ITGAM: variants seen among roughly 807,000 people sequenced by gnomAD.
The protein encoded by ITGAM is integrin subunit alpha M, also known as integrin alpha-M.
Under a neutral mutation model 137.5 loss-of-function variants are expected in ITGAM, and 79 were observed. The observed-to-expected ratio is 0.57, with a 90% CI of 0.48 to 0.69. ITGAM has a LOEUF of 0.69. ITGAM is among the 30% of genes least tolerant of loss of function. ITGAM has a pLI of 0.00. For synonymous variants in ITGAM, 583 were observed against 592.3 expected, an observed-to-expected ratio of 0.98 and a Z score of 0.23; for missense variants, 1,343 against 1,483.5, an observed-to-expected ratio of 0.91 and a Z score of 1.56.
intron 22 of ITGAM, among the ~76,000 whole-genome samples, chr16:31,327,455 A>G (rs2032943850): frequency 6.6e-6 from 1 of 151,178 alleles, no homozygotes; most frequent in Non-Finnish European, 1.5e-5. Flanking sequence ...TTAGCCAGGC[A>G]TGGTGGTGCA....
chr16:31,329,121 T>C, intron 23 of ITGAM, 107 bp from the exon 24 acceptor site: 1 of 447,886 alleles, frequency 2.2e-6, no homozygotes. Flanking sequence ...CAGGACTTCA[T>C]ACCCATTACC....
In ITGAM at chr16:31,289,318, C is replaced by T. The variant is rs893882694; in HGVS notation, c.1357-8196C>T. Among the ~76,000 whole-genome samples, 503 of 152,220 alleles carry T rather than the reference C, an allele frequency of 3.3e-3. 1 individual carries two copies. Among genetic ancestry groups the T allele is most frequent in the African/African-American group, 0.011 (468 of 41,532 alleles). On this transcript the variant is annotated intron_variant, in intron 12 of 29. Transcript: ENST00000544665. ...GGCACATGCACACGAATGTTTATTG[C>T]GGCTCTATTCACAATAGCAAAGACT...
At position 31,297,634 on chromosome 16, in the gene ITGAM, G is replaced by T. The variant is rs757551647; in HGVS notation, c.1477G>T (p.Val493Leu). The T allele has an allele frequency of 6.2e-7, 1 of 1,613,292 alleles. No homozygotes were observed. The highest frequency in any genetic ancestry group is 8.5e-7 in the Non-Finnish European group (1 of 1,179,896). Residue 493 changes from valine to leucine, a missense_variant, in exon 13 of 30, where the codon GTG becomes TTG. Transcript: ENST00000544665. ...GCAGACCCGAGGGGGCCAGGTGTCC[G>T]TGTGCCCCTTGCCCAGGGGGGTGAG... The part of the protein sequence containing the change: ...YEQTRGGQVS[V>L]CPLPRGRARW...
At position 31,270,721 on chromosome 16, in the gene ITGAM, A is replaced by G. The variant is rs1275540160; in HGVS notation, c.428-233A>G. 3.6e-3 allele frequency among the ~76,000 whole-genome samples: 379 copies of G among 106,660 alleles called. 19 individuals carry two copies. Among genetic ancestry groups the G allele is most frequent in the African/African-American group, 0.011 (274 of 24,742 alleles). 70.0% of individuals were successfully genotyped at this position (106,660 alleles called of 152,430 possible). On this transcript the variant is annotated intron_variant, in intron 5 of 29. Transcript: ENST00000544665. Reference sequence around the variant, plus strand: ...TGTGTATATATATATATATATATATATATATATATATATATATATATATGT... The same window carrying G: ...TGTGTATATATATATATATATATATGTATATATATATATATATATATATGT...
intron 14 of ITGAM, among the ~76,000 whole-genome samples, chr16:31,314,366 T>C (rs1001657601): frequency 6.6e-6 from 1 of 152,230 alleles, no homozygotes; most frequent in Non-Finnish European, 1.5e-5. Flanking sequence ...GTTGTAAATT[T>C]TACATTTAAG....
intron 2 of ITGAM, among the ~76,000 whole-genome samples, chr16:31,262,460 A>G (rs963557699): frequency 2.0e-5 from 3 of 151,018 alleles, no homozygotes; most frequent in African/African-American, 7.3e-5. Context: ...TGGAGTGCAC[A>G]GGTGAAATCA....
At chr16:31,304,869 G>A (rs1192364993) in intron 14 of ITGAM, among the ~76,000 whole-genome samples, 1 of 152,102 alleles carries the variant, frequency 6.6e-6, no homozygotes, top group Non-Finnish European at 1.5e-5. Context: ...TAGCCTTGTA[G>A]TATAATTTGA....
intron 21 of ITGAM, among the ~76,000 whole-genome samples, chr16:31,326,215 C>G (rs564680668): frequency 5.9e-5 from 9 of 152,126 alleles, no homozygotes; most frequent in East Asian, 1.9e-4. Context: ...GCCCTCAGCC[C>G]CAGTCCTCCC....
chr16:31,262,940 A>G (rs1388404027), intron 2 of ITGAM, among the ~76,000 whole-genome samples: 5 of 152,036 alleles, frequency 3.3e-5, no homozygotes, highest in Admixed American at 3.3e-4. Flanking sequence ...GGGAGATGCT[A>G]TAATTTATTT....
chr16:31,277,165 T>TCCCAAGAGACTAATAGC, intron 11 of ITGAM, 116 bp downstream of exon 11: 4 of 894,270 alleles, frequency 4.5e-6, no homozygotes, highest in Non-Finnish European at 6.4e-6. Flanking sequence ...ATACTAGCTA[T>TCCCAAGAGACTAATAGC]TAGTCTCTTG....
In ITGAM at chr16:31,276,675, T is replaced by G; in HGVS notation, c.1014T>G (p.Thr338=). Residue 338 remains threonine (T), a synonymous_variant, in exon 10 of 30, where the codon ACT becomes ACG. Coordinates refer to ENST00000544665, the MANE Select transcript of ITGAM (RefSeq NM_000632.4). The part of the protein sequence containing the change: ...LREKIFAIEG[T]QTGSSSSFEH... ...AGAAACTTCTCCTCTTTACAGGTAC[T>G]CAGACAGGAAGTAGCAGCTCCTTTG... The G allele has an allele frequency of 6.2e-7, 1 of 1,610,380 alleles. No homozygotes were observed. The highest frequency in any genetic ancestry group is 8.5e-7 in the Non-Finnish European group (1 of 1,178,048).
At position 31,270,942 on chromosome 16, in the gene ITGAM, C is replaced by T. The variant is rs565460808; in HGVS notation, c.428-12C>T. 3 of 1,467,050 alleles carry T rather than the reference C, an allele frequency of 2.0e-6. No individual in the cohort carries two copies. Among genetic ancestry groups the T allele is most frequent in the South Asian group, 3.0e-5 (2 of 67,188 alleles). 90.9% of individuals were successfully genotyped at this position (1,467,050 alleles called of 1,614,324 possible). A position where few individuals can be genotyped will look rare whatever the true frequency, so the allele number is the denominator to read the frequency against. Reference sequence around the variant, plus strand: ...CAAATTACTTGATTCATACTCTTTTCCCCTTCCCCAGGGTGTCCTCAAGAG... The same window carrying T: ...CAAATTACTTGATTCATACTCTTTTTCCCTTCCCCAGGGTGTCCTCAAGAG... On this transcript the variant is annotated splice_polypyrimidine_tract_variant and intron_variant, in intron 5 of 29. Coordinates refer to ENST00000544665, the MANE Select transcript of ITGAM (RefSeq NM_000632.4).
At chr16:31,292,049 C>T (rs116724616) in intron 12 of ITGAM, among the ~76,000 whole-genome samples, 436 of 151,924 alleles carry the variant, frequency 2.9e-3, no homozygotes, top group African/African-American at 0.01. Flanking sequence ...ATCACATGTT[C>T]CCTATAAATA....
intron 12 of ITGAM, among the ~76,000 whole-genome samples, chr16:31,282,905 G>A (rs1567256950): frequency 6.6e-6 from 1 of 152,080 alleles, no homozygotes; most frequent in Non-Finnish European, 1.5e-5. Flanking sequence ...CTCTTTTAGG[G>A]CAGGCCTGGT....
intron 14 of ITGAM, among the ~76,000 whole-genome samples, chr16:31,316,669 G>T (rs1374244550): frequency 6.6e-6 from 1 of 152,112 alleles, no homozygotes; most frequent in Admixed American, 6.6e-5. Context: ...TGGGATTTTG[G>T]TAGGAATTAC....
intron 9 of ITGAM, 42 bp downstream of exon 9, chr16:31,275,741 GC>G: frequency 5.6e-6 from 9 of 1,607,186 alleles, no homozygotes; most frequent in Non-Finnish European, 6.8e-6. Context: ...TCCAGAGGCA[GC>G]CCCCCACCCC....
At chr16:31,276,889 C>T (rs779897145) in intron 10 of ITGAM, 31 bp from the exon 11 acceptor site, 1 of 1,600,816 alleles carries the variant, frequency 6.2e-7, no homozygotes, top group Non-Finnish European at 8.5e-7. Context: ...CTTCTTCCTT[C>T]CTCATCAACC....
rs1206057790 is a variant in ITGAM, at chr16:31,331,787, C to T, written c.*80C>T. ...CACACGTAGCCCCCAGGCTGCTGGA[C>T]ACGTCGGACAGCGAAGTATCCCCGA... On this transcript the variant is annotated 3_prime_UTR_variant, in exon 30 of 30. Coordinates refer to ENST00000544665, the MANE Select transcript of ITGAM (RefSeq NM_000632.4). 6.7e-5 allele frequency: 76 copies of T among 1,127,868 alleles called. No homozygotes were observed. In the East Asian group the frequency reaches 1.9e-3, roughly 29 times the overall value. 69.9% of individuals were successfully genotyped at this position (1,127,868 alleles called of 1,614,324 possible). A position where few individuals can be genotyped will look rare whatever the true frequency, so the allele number is the denominator to read the frequency against.
At chr16:31,326,154 A>C (rs770946757) in intron 21 of ITGAM, among the ~76,000 whole-genome samples, 16 of 152,166 alleles carry the variant, frequency 1.1e-4, no homozygotes, top group Non-Finnish European at 2.4e-4. Flanking sequence ...CGTCATCATG[A>C]TCCATTTTGG....
Sources: gnomAD v4.1 joint callset for allele counts (sites outside exome capture counted in the v4.1 genomes callset) on GRCh38, gnomAD v4.1.1 for gene constraint, MANE v1.5 for transcripts, NCBI Gene and HGNC (gene_info 2026-07-23, HGNC 2026-07-21) for gene names.